Variants in ARB2A observed in about 807,000 individuals in gnomAD.
ARB2A encodes the protein cotranscriptional regulator ARB2A.
chr5:93,631,170 C>T, the ARB2A span, among the ~76,000 whole-genome samples: 1 of 152,156 alleles, frequency 6.6e-6, no homozygotes, highest in Non-Finnish European at 1.5e-5. Context: ...CAGGCATGAG[C>T]CACCATGCCA....
chr5:93,994,018 T>C, the ARB2A span, among the ~76,000 whole-genome samples: 1 of 152,254 alleles, frequency 6.6e-6, no homozygotes, highest in South Asian at 2.1e-4. Flanking sequence ...CACTGAATGA[T>C]AACCACAGTG....
At chr5:93,681,258 G>A in the ARB2A span, among the ~76,000 whole-genome samples, 371 of 152,206 alleles carry the variant, frequency 2.4e-3, 1 homozygote, top group Non-Finnish European at 3.9e-3. Context: ...CTGAAACAAC[G>A]CGTCCTACAC....
the ARB2A span, among the ~76,000 whole-genome samples, chr5:93,896,454 T>A: frequency 6.6e-6 from 1 of 152,092 alleles, no homozygotes. Flanking sequence ...ATAAGGTGTA[T>A]GTGAAATGTA....
At chr5:93,628,367 A>G in the ARB2A span, among the ~76,000 whole-genome samples, 2 of 152,072 alleles carry the variant, frequency 1.3e-5, no homozygotes, top group Non-Finnish European at 2.9e-5. Context: ...ATAATTTTTA[A>G]GGCCCTAGGA....
the ARB2A span, among the ~76,000 whole-genome samples, chr5:94,041,995 G>GA: frequency 6.6e-6 from 1 of 151,992 alleles, no homozygotes; most frequent in Non-Finnish European, 1.5e-5. Context: ...GACTACAGAA[G>GA]AAACAGTTCT....
the ARB2A span, among the ~76,000 whole-genome samples, chr5:93,671,458 AAATAAT>A: frequency 6.6e-6 from 1 of 152,152 alleles, no homozygotes; most frequent in African/African-American, 2.4e-5. Flanking sequence ...TCTAAATGTC[AAATAAT>A]AAGAGCTGAG....
the ARB2A span, among the ~76,000 whole-genome samples, chr5:93,961,478 A>C: frequency 6.6e-6 from 1 of 152,172 alleles, no homozygotes; most frequent in Non-Finnish European, 1.5e-5. Context: ...TGAGTCCAGG[A>C]GTTCGAAACC....
At chr5:93,910,356 T>C in the ARB2A span, among the ~76,000 whole-genome samples, 3 of 151,050 alleles carry the variant, frequency 2.0e-5, no homozygotes, top group Admixed American at 1.3e-4. Flanking sequence ...CTGAAAAAAG[T>C]ATAGATGAAC....
the ARB2A span, among the ~76,000 whole-genome samples, chr5:93,957,803 C>T: frequency 2.0e-5 from 3 of 151,898 alleles, no homozygotes; most frequent in East Asian, 1.9e-4. Context: ...TAATCATCAG[C>T]GTATTAAAGA....
chr5:94,081,873 A>T, the ARB2A span, among the ~76,000 whole-genome samples: 2 of 152,188 alleles, frequency 1.3e-5, no homozygotes, highest in Middle Eastern at 3.4e-3. Flanking sequence ...AAAAAAAAAA[A>T]ATCTTGACTG....
At chr5:93,985,320 A>C in the ARB2A span, among the ~76,000 whole-genome samples, 7 of 152,100 alleles carry the variant, frequency 4.6e-5, no homozygotes, top group African/African-American at 1.7e-4. Flanking sequence ...TTTTTAAGTT[A>C]CTTAATGCTT....
At chr5:93,690,915 C>T in the ARB2A span, among the ~76,000 whole-genome samples, 10 of 152,216 alleles carry the variant, frequency 6.6e-5, no homozygotes, top group African/African-American at 2.4e-4. Context: ...TGGAGTGGAC[C>T]TCCAGCAAAC....
At chr5:93,683,562 C>T in the ARB2A span, 2 of 1,450,786 alleles carry the variant, frequency 1.4e-6, no homozygotes, top group Non-Finnish European at 1.9e-6. Context: ...TCATCCTTTG[C>T]ACCAGCCCTA....
At chr5:93,961,033 A>C in the ARB2A span, among the ~76,000 whole-genome samples, 2 of 152,156 alleles carry the variant, frequency 1.3e-5, no homozygotes, top group East Asian at 3.8e-4. Context: ...TCAGTTAAAG[A>C]AGCCTAAAAA....
chr5:93,999,980 T>C, the ARB2A span, among the ~76,000 whole-genome samples: 1 of 152,124 alleles, frequency 6.6e-6, no homozygotes, highest in Non-Finnish European at 1.5e-5. Flanking sequence ...TGTCTTTTCA[T>C]GGCTTAGCTT....
the ARB2A span, among the ~76,000 whole-genome samples, chr5:94,022,569 C>T: frequency 6.6e-6 from 1 of 152,178 alleles, no homozygotes; most frequent in African/African-American, 2.4e-5. Context: ...GACACCAATA[C>T]TCAAAACACA....
the ARB2A span, among the ~76,000 whole-genome samples, chr5:93,702,203 C>T: frequency 2.0e-5 from 3 of 152,158 alleles, no homozygotes; most frequent in East Asian, 5.8e-4. Flanking sequence ...TTATCTGATC[C>T]GAAGATATGT....
chr5:93,992,896 T>C, the ARB2A span, among the ~76,000 whole-genome samples: 13 of 152,010 alleles, frequency 8.6e-5, no homozygotes, highest in African/African-American at 3.1e-4. Flanking sequence ...TAATTACTAA[T>C]ACAATTCAAG....
chr5:93,632,368 C>T, the ARB2A span, among the ~76,000 whole-genome samples: 1 of 152,144 alleles, frequency 6.6e-6, no homozygotes, highest in Non-Finnish European at 1.5e-5. Context: ...AGAACAAGTG[C>T]CGGGGCTCTA....
Sources: allele counts gnomAD v4.1 joint callset (sites outside exome capture counted in the v4.1 genomes callset), GRCh38; gene constraint gnomAD v4.1.1; transcripts MANE v1.5; gene names NCBI Gene and HGNC (gene_info 2026-07-23, HGNC 2026-07-21).